The following PARD3 variants were observed in gnomAD, a reference collection of about 807,000 sequenced individuals.
PARD3 encodes the protein partitioning defective 3 homolog.
In PARD3, 75 loss-of-function variants were observed where a neutral mutation model predicts 155.4. The ratio of observed to expected loss-of-function variants is 0.48; its 90% CI spans 0.40 to 0.58. The LOEUF (loss-of-function observed/expected upper bound fraction) is 0.58. PARD3 is among the 20% of genes least tolerant of loss of function. The probability of loss-of-function intolerance (pLI) is 0.00; values close to 1 mark genes in which losing one functional copy is unlikely to be tolerated. For missense variants in PARD3, 1,642 were observed against 1,721.7 expected (o/e 0.95, Z 0.82); for synonymous variants, 576 against 610.5 (o/e 0.94, Z 0.83).
intron 21 of PARD3, among the ~76,000 whole-genome samples, chr10:34,272,433 A>G (rs550128390): frequency 6.6e-6 from 1 of 152,300 alleles, no homozygotes; most frequent in South Asian, 2.1e-4. Flanking sequence ...ATATCCAGGA[A>G]ATATTTTTTA....
At chr10:34,352,398 C>G (rs539110832) in intron 14 of PARD3, among the ~76,000 whole-genome samples, 141 of 152,280 alleles carry the variant, frequency 9.3e-4, no homozygotes, top group African/African-American at 3.0e-3. Context: ...GATGCCGAGC[C>G]GAGGCTGGAC....
chr10:34,727,765 AGGTTTCCCT>A (rs2133789826), intron 1 of PARD3, among the ~76,000 whole-genome samples: 1 of 152,022 alleles, frequency 6.6e-6, no homozygotes, highest in South Asian at 2.1e-4. Flanking sequence ...GAGAATGAAA[AGGTTTCCCT>A]ACTGCAGGTG....
chr10:34,437,707 T>C (rs1407285434), intron 5 of PARD3, among the ~76,000 whole-genome samples: 1 of 152,162 alleles, frequency 6.6e-6, no homozygotes. Flanking sequence ...CGCAAACAAG[T>C]AAAATACGTA....
chr10:34,655,140 T>G (rs2093130325), intron 2 of PARD3, among the ~76,000 whole-genome samples: 1 of 151,524 alleles, frequency 6.6e-6, no homozygotes, highest in Admixed American at 6.6e-5. Context: ...TTAACACACT[T>G]GCTCTGCAAT....
chr10:34,681,730 T>TTTTATATA (rs1344348436), intron 2 of PARD3, among the ~76,000 whole-genome samples: 22 of 29,976 alleles, frequency 7.3e-4, no homozygotes, highest in South Asian at 7.0e-3. Flanking sequence ...CGTATGTATT[T>TTTTATATA]TATATATATA....
intron 22 of PARD3, among the ~76,000 whole-genome samples, chr10:34,220,777 T>A (rs1355366404): frequency 6.6e-6 from 1 of 152,224 alleles, no homozygotes; most frequent in Non-Finnish European, 1.5e-5. Flanking sequence ...ACTAATGTGC[T>A]ACATATTTCA....
intron 22 of PARD3, among the ~76,000 whole-genome samples, chr10:34,158,245 A>G (rs899484773): frequency 6.6e-6 from 1 of 152,138 alleles, no homozygotes; most frequent in African/African-American, 2.4e-5. Flanking sequence ...AAAAACCACA[A>G]AAGAGAGAGA....
intron 2 of PARD3, among the ~76,000 whole-genome samples, chr10:34,547,356 A>C (rs2084166335): frequency 6.6e-6 from 1 of 152,250 alleles, no homozygotes; most frequent in South Asian, 2.1e-4. Context: ...TTTAAACATG[A>C]ACAATATAAA....
intron 2 of PARD3, among the ~76,000 whole-genome samples, chr10:34,691,063 T>A (rs182767880): frequency 6.6e-6 from 1 of 152,228 alleles, no homozygotes; most frequent in East Asian, 1.9e-4. Flanking sequence ...AATGTTTACA[T>A]AAATTAGCCA....
chr10:34,746,018 C>T lies in PARD3; in HGVS notation c.121-49599G>A, dbSNP rs7477851. ...TCGGGAGGCTGAGGCAGGAGAATGG[C>T]GTGAATCCAGGAGGCGGAGCCTGCA... On this transcript the variant is annotated intron_variant, in intron 1 of 24. Transcript: ENST00000374788. 5.5e-3 allele frequency among the ~76,000 whole-genome samples: 838 copies of T among 152,124 alleles called. 9 individuals carry two copies. The highest frequency in any genetic ancestry group is 0.019 in the African/African-American group (796 of 41,506).
At chr10:34,741,173 A>ATTTTTTTTTT (rs1470627211) in intron 1 of PARD3, among the ~76,000 whole-genome samples, 1 of 82,882 alleles carries the variant, frequency 1.2e-5, no homozygotes, top group African/African-American at 3.4e-5. Flanking sequence ...TCGTAAACCA[A>ATTTTTTTTTT]ATTTTTTTTT....
chr10:34,684,846 C>CAT (rs71487903), intron 2 of PARD3, among the ~76,000 whole-genome samples: 3 of 132,716 alleles, frequency 2.3e-5, no homozygotes, highest in African/African-American at 2.9e-5. Context: ...TACACACACA[C>CAT]ATATATATAC....
intron 22 of PARD3, among the ~76,000 whole-genome samples, chr10:34,234,984 T>C (rs1588881710): frequency 6.6e-6 from 1 of 152,220 alleles, no homozygotes; most frequent in African/African-American, 2.4e-5. Context: ...TCTTTAGAAA[T>C]TGCTTTATTT....
At position 34,567,264 on chromosome 10, in the gene PARD3, C is replaced by T. The variant is rs769962734; in HGVS notation, c.223-50105G>A. On this transcript the variant is annotated intron_variant, in intron 2 of 24. Transcript: ENST00000374788. Reference sequence around the variant, plus strand: ...ATTTGTATTATGCGATGGACTGATTCTGCATGTGTTCTAAAAATAAATGCT... The same window carrying T: ...ATTTGTATTATGCGATGGACTGATTTTGCATGTGTTCTAAAAATAAATGCT... Among the ~76,000 whole-genome samples the T allele has an allele frequency of 4.1e-4, 62 of 152,180 alleles. 1 individual carries two copies. Among genetic ancestry groups the T allele is most frequent in the South Asian group, 2.1e-4 (1 of 4,832 alleles).
chr10:34,439,881 G>C (rs1456716025), intron 5 of PARD3, among the ~76,000 whole-genome samples: 1 of 151,876 alleles, frequency 6.6e-6, no homozygotes, highest in African/African-American at 2.4e-5. Context: ...TATTTAAAAA[G>C]ATAATCCACA....
chr10:34,374,419 A>C (rs1164010376), intron 11 of PARD3, among the ~76,000 whole-genome samples: 1 of 152,178 alleles, frequency 6.6e-6, no homozygotes, highest in East Asian at 1.9e-4. Flanking sequence ...TTTTTTTAAA[A>C]AGGTATTCCT....
chr10:34,311,865 T>A (rs928807887), intron 20 of PARD3, among the ~76,000 whole-genome samples: 1 of 152,180 alleles, frequency 6.6e-6, no homozygotes, highest in Non-Finnish European at 1.5e-5. Context: ...TTGCATCTCA[T>A]CCCTGATGGG....
chr10:34,718,723 G>A (rs565080349), intron 1 of PARD3, among the ~76,000 whole-genome samples: 46 of 152,306 alleles, frequency 3.0e-4, no homozygotes, highest in African/African-American at 8.4e-4. Context: ...AGCACTTCGG[G>A]AGGCCGAGGT....
intron 12 of PARD3, among the ~76,000 whole-genome samples, chr10:34,364,276 A>G (rs1839747718): frequency 6.6e-6 from 1 of 152,210 alleles, no homozygotes; most frequent in Admixed American, 6.5e-5. Context: ...GAAACATGGA[A>G]TGTGCACAAA....
Sources: gnomAD v4.1 joint callset for allele counts (sites outside exome capture counted in the v4.1 genomes callset) on GRCh38, gnomAD v4.1.1 for gene constraint, MANE v1.5 for transcripts, NCBI Gene and HGNC (gene_info 2026-07-23, HGNC 2026-07-21) for gene names.